Variants in SH3GL2 observed in about 807,000 individuals in gnomAD.
SH3GL2 encodes endophilin-A1.
A neutral mutation model predicts 46.0 loss-of-function variants in SH3GL2; 24 were observed. The ratio of observed to expected loss-of-function variants is 0.52; its 90% CI spans 0.38 to 0.73. SH3GL2 has a LOEUF of 0.73. Among genes scored for constraint, SH3GL2 ranks in the 30% least tolerant of loss-of-function variants. SH3GL2 has a pLI of 0.00. For synonymous variants in SH3GL2, 196 were observed against 147.1 expected, an observed-to-expected ratio of 1.33 and a Z score of -2.40; for missense variants, 413 against 424.2, an observed-to-expected ratio of 0.97 and a Z score of 0.23.
chr9:17,684,407 A>G (rs910547046), intron 1 of SH3GL2, among the ~76,000 whole-genome samples: 16 of 152,232 alleles, frequency 1.1e-4, no homozygotes, highest in Admixed American at 9.8e-4. Flanking sequence ...ACACAAAGAA[A>G]AAAGAGGGTG....
At chr9:17,598,299 AAGAACT>A (rs771508550) in intron 1 of SH3GL2, among the ~76,000 whole-genome samples, 2 of 152,230 alleles carry the variant, frequency 1.3e-5, no homozygotes, top group Non-Finnish European at 2.9e-5. Flanking sequence ...CTTGAGGGTA[AAGAACT>A]ACTTCTCATG....
intron 1 of SH3GL2, among the ~76,000 whole-genome samples, chr9:17,646,770 C>A (rs1057509080): frequency 6.6e-6 from 1 of 152,162 alleles, no homozygotes; most frequent in African/African-American, 2.4e-5. Flanking sequence ...GGGCAACTGC[C>A]AGATGCCAGC....
At chr9:17,611,676 C>G (rs1430223873) in intron 1 of SH3GL2, among the ~76,000 whole-genome samples, 2 of 152,200 alleles carry the variant, frequency 1.3e-5, no homozygotes, top group Non-Finnish European at 1.5e-5. Flanking sequence ...TTTAATGCCT[C>G]TCAGAATATG....
chr9:17,579,294 C>T lies in SH3GL2; in HGVS notation c.45+7C>T. Reference sequence around the variant, plus strand: ...GTTCCATAAAGCCACTCAGGTAAGGCGCGCGGCAGGTGCGTCCCGGGGCAG... The same window carrying T: ...GTTCCATAAAGCCACTCAGGTAAGGTGCGCGGCAGGTGCGTCCCGGGGCAG... On this transcript the variant is annotated splice_region_variant and intron_variant, in intron 1 of 8. Transcript: ENST00000380607. The T allele has an allele frequency of 2.6e-6, 4 of 1,558,472 alleles. No homozygotes were observed. The highest frequency in any genetic ancestry group is 1.7e-6 in the Non-Finnish European group (2 of 1,152,682).
chr9:17,777,580 G>A (rs1293589561), intron 3 of SH3GL2, among the ~76,000 whole-genome samples: 1 of 152,096 alleles, frequency 6.6e-6, no homozygotes, highest in East Asian at 1.9e-4. Context: ...TATAGTCCAA[G>A]ATCAAGTTGC....
chr9:17,620,983 C>T (rs1819125120), intron 1 of SH3GL2, among the ~76,000 whole-genome samples: 1 of 152,146 alleles, frequency 6.6e-6, no homozygotes, highest in African/African-American at 2.4e-5. Flanking sequence ...TTAAAAAATA[C>T]TTATAATGTG....
chr9:17,747,626 C>G (rs1436308497), intron 2 of SH3GL2, among the ~76,000 whole-genome samples: 1 of 152,150 alleles, frequency 6.6e-6, no homozygotes, highest in African/African-American at 2.4e-5. Flanking sequence ...CCATGTGTCA[C>G]AAAAGTCCAT....
intron 2 of SH3GL2, among the ~76,000 whole-genome samples, chr9:17,753,852 G>C (rs916224997): frequency 6.6e-6 from 1 of 152,072 alleles, no homozygotes; most frequent in Non-Finnish European, 1.5e-5. Context: ...GTTAATTTTT[G>C]TATATGGTGT....
At chr9:17,681,502 G>A (rs748256831) in intron 1 of SH3GL2, among the ~76,000 whole-genome samples, 29 of 152,092 alleles carry the variant, frequency 1.9e-4, no homozygotes, top group Non-Finnish European at 3.7e-4. Context: ...GGCTTAATAT[G>A]CAGAACACTG....
At chr9:17,738,258 A>T (rs376204514) in intron 1 of SH3GL2, among the ~76,000 whole-genome samples, 2 of 151,842 alleles carry the variant, frequency 1.3e-5, no homozygotes, top group East Asian at 3.9e-4. Flanking sequence ...TTTCTGAAGA[A>T]TGGAACTTGC....
intron 1 of SH3GL2, among the ~76,000 whole-genome samples, chr9:17,617,941 G>C (rs1310621048): frequency 1.3e-5 from 2 of 152,212 alleles, no homozygotes; most frequent in African/African-American, 4.8e-5. Flanking sequence ...TTGTATTGTG[G>C]GACAAAAATC....
intron 1 of SH3GL2, among the ~76,000 whole-genome samples, chr9:17,738,699 CAT>C (rs1271494113): frequency 2.0e-4 from 30 of 147,160 alleles, no homozygotes; most frequent in African/African-American, 7.0e-4. Context: ...GGAATTGCCT[CAT>C]GTGATTATGT....
intron 1 of SH3GL2, among the ~76,000 whole-genome samples, chr9:17,655,027 T>C (rs1820041597): frequency 6.6e-6 from 1 of 152,196 alleles, no homozygotes; most frequent in African/African-American, 2.4e-5. Flanking sequence ...TTCTTTGCTT[T>C]GTGTGAAAAA....
intron 1 of SH3GL2, among the ~76,000 whole-genome samples, chr9:17,740,213 G>A (rs986999601): frequency 6.6e-6 from 1 of 151,998 alleles, no homozygotes; most frequent in Non-Finnish European, 1.5e-5. Flanking sequence ...TAAATTTCCG[G>A]ATAGGAAAAT....
chr9:17,690,226 C>T (rs1460355009), intron 1 of SH3GL2, among the ~76,000 whole-genome samples: 2 of 152,124 alleles, frequency 1.3e-5, no homozygotes, highest in South Asian at 2.1e-4. Flanking sequence ...TGCTCAGTAG[C>T]GTTTATGGGA....
At chr9:17,625,320 C>A (rs546173951) in intron 1 of SH3GL2, among the ~76,000 whole-genome samples, 1 of 152,062 alleles carries the variant, frequency 6.6e-6, no homozygotes, top group Non-Finnish European at 1.5e-5. Context: ...TCCAGAAGCC[C>A]CACTTTATAT....
At chr9:17,595,461 T>C (rs1818553385) in intron 1 of SH3GL2, among the ~76,000 whole-genome samples, 1 of 152,170 alleles carries the variant, frequency 6.6e-6, no homozygotes, top group African/African-American at 2.4e-5. Flanking sequence ...TATAAGAACA[T>C]GGATCCCCGT....
At chr9:17,734,892 A>T (rs4961590) in intron 1 of SH3GL2, among the ~76,000 whole-genome samples, 30,067 of 152,058 alleles carry the variant, frequency 0.2, 3,471 homozygotes, top group East Asian at 0.39. Flanking sequence ...TGATGATTAC[A>T]TAACTCTGTA....
chr9:17,676,241 TCTC>T (rs1361488053), intron 1 of SH3GL2, among the ~76,000 whole-genome samples: 5 of 152,178 alleles, frequency 3.3e-5, no homozygotes, highest in Non-Finnish European at 5.9e-5. Context: ...TTCCTTCCCT[TCTC>T]CTCAACTTTT....
Sources: gnomAD v4.1 joint callset for allele counts (sites outside exome capture counted in the v4.1 genomes callset) on GRCh38, gnomAD v4.1.1 for gene constraint, MANE v1.5 for transcripts, NCBI Gene and HGNC (gene_info 2026-07-23, HGNC 2026-07-21) for gene names.